The following LRRC27 variants were observed in gnomAD, a reference collection of about 807,000 sequenced individuals.
LRRC27 encodes leucine rich repeat containing 27.
LRRC27 carries 57 observed loss-of-function variants against 55.0 expected under a neutral mutation model. The ratio of observed to expected loss-of-function variants is 1.04; its 90% CI spans 0.84 to 1.29. The LOEUF is 1.29. Among genes scored for constraint, LRRC27 ranks in the 50% most tolerant of loss-of-function variants. The probability of loss-of-function intolerance (pLI) is 0.00; values close to 1 mark genes in which losing one functional copy is unlikely to be tolerated. For synonymous variants in LRRC27, 278 were observed against 251.9 expected (o/e 1.10, Z -0.98); for missense variants, 721 against 651.5 (o/e 1.11, Z -1.16).
intron 5 of LRRC27, among the ~76,000 whole-genome samples, chr10:132,346,002 G>A (rs750462216): frequency 1.8e-4 from 28 of 152,244 alleles, no homozygotes; most frequent in Non-Finnish European, 3.7e-4. Flanking sequence ...AGAAGTCAGC[G>A]ATGGGACGCT....
chr10:132,347,967 G>A lies in LRRC27; in HGVS notation c.554-17G>A. 2 of 1,575,880 alleles carry A rather than the reference G, an allele frequency of 1.3e-6. No homozygotes were observed. The highest frequency in any genetic ancestry group is 1.7e-6 in the Non-Finnish European group (2 of 1,163,862). On this transcript the variant is annotated splice_polypyrimidine_tract_variant and intron_variant, in intron 5 of 10. Transcript: ENST00000368614. ...GGCGTTGATGGTAGCTACTAAAGCG[G>A]TTTCTTACTCTCCCAGAGGCTCCAC...
rs988530432 is a variant in LRRC27 at position 132,337,212 on chromosome 10, C to T, written c.211-353C>T. 6.8e-6 allele frequency: 8 copies of T among 1,170,502 alleles called. No homozygotes were observed. In the African/African-American group the frequency reaches 8.1e-5, roughly 12 times the overall value. 72.5% of individuals were successfully genotyped at this position (1,170,502 alleles called of 1,614,324 possible). Reference sequence around the variant, plus strand: ...GGGGGCTGCCGAGGGCCAGGTGCTGCGGCAGGCACTGGAGAAACGGCCGAG... The same window carrying T: ...GGGGGCTGCCGAGGGCCAGGTGCTGTGGCAGGCACTGGAGAAACGGCCGAG... On this transcript the variant is annotated intron_variant, in intron 2 of 10. Transcript: ENST00000368614.
chr10:132,370,922 GA>G (rs553332467), intron 10 of LRRC27, among the ~76,000 whole-genome samples: 1 of 152,262 alleles, frequency 6.6e-6, no homozygotes, highest in Non-Finnish European at 1.5e-5. Context: ...GGCTTTGCCA[GA>G]AGAGTGTGTC....
chr10:132,363,297 C>G (rs949467266), intron 9 of LRRC27, among the ~76,000 whole-genome samples: 1 of 152,168 alleles, frequency 6.6e-6, no homozygotes, highest in Admixed American at 6.5e-5. Flanking sequence ...GTTCACCCCT[C>G]TCACCTCGCA....
chr10:132,348,171 G>C lies in LRRC27; in HGVS notation c.741G>C (p.Ala247=), dbSNP rs779231343. The change falls in exon 6 of 11, where the codon GCG becomes GCC. Residue 247 remains alanine (A), a synonymous_variant. Coordinates refer to ENST00000368614, the MANE Select transcript of LRRC27 (RefSeq NM_030626.3). The surrounding 1 kb of genome is among the most constrained non-coding windows in gnomAD (Gnocchi z 4.2). Reference sequence around the variant, plus strand: ...ACCTGAGTGAACTCAGGAAGTCTGCGGACTCCTCAGAGAACTGGCCCAGCG... The same window carrying C: ...ACCTGAGTGAACTCAGGAAGTCTGCCGACTCCTCAGAGAACTGGCCCAGCG... The part of the protein sequence containing the change: ...KPDLSELRKS[A]DSSENWPSEE... 6.2e-7 allele frequency: 1 copy of C among 1,614,070 alleles called. No individual in the cohort carries two copies. Among genetic ancestry groups the C allele is most frequent in the Non-Finnish European group, 8.5e-7 (1 of 1,180,032 alleles).
upstream of LRRC27, chr10:132,331,685 G>A (rs750239393): frequency 2.5e-6 from 4 of 1,612,740 alleles, no homozygotes; most frequent in South Asian, 1.1e-5. Context: ...GGCTGTCCTC[G>A]AGCAGCCCCG....
At position 132,337,416 on chromosome 10, in the gene LRRC27, T is replaced by G. The variant is rs2295273; in HGVS notation, c.211-149T>G. 0.12 allele frequency: 163,638 copies of G among 1,422,126 alleles called. 11,287 individuals are homozygous for G. Among genetic ancestry groups the G allele is most frequent in the East Asian group, 0.38 (15,041 of 39,714 alleles). 88.1% of individuals were successfully genotyped at this position (1,422,126 alleles called of 1,614,324 possible). On this transcript the variant is annotated intron_variant, in intron 2 of 10. Transcript: ENST00000368614. ...TTCTTTTGTCTACTGTTTACATCTTTTAAGGGTAAGAGATTGGGTTTTTGT... is the reference window on the plus strand; with the variant it reads ...TTCTTTTGTCTACTGTTTACATCTTGTAAGGGTAAGAGATTGGGTTTTTGT...
chr10:132,369,638 A>G (rs532410097), intron 10 of LRRC27, among the ~76,000 whole-genome samples: 3 of 152,162 alleles, frequency 2.0e-5, no homozygotes, highest in South Asian at 2.1e-4. Context: ...CCATGTGATG[A>G]TGCGTTTGTC....
At chr10:132,331,312 T>G (rs935624813), upstream of LRRC27, 1 of 954,568 alleles carries the variant, frequency 1.0e-6, no homozygotes. Flanking sequence ...CATTATCAGT[T>G]GGATCCTGGA....
chr10:132,366,740 A>G, intron 10 of LRRC27: 1 of 848,686 alleles, frequency 1.2e-6, no homozygotes, highest in South Asian at 2.0e-5. Context: ...CTGCCCCCAG[A>G]GCACGCAGCA....
In LRRC27 at chr10:132,375,331, G is replaced by A; in HGVS notation, c.*89G>A. ...CGTCGCCTCCTGTGTGGTGCCGGAAGAGCGCCAGGTTCAGTGTTACCCTGA... is the reference window on the plus strand; with the variant it reads ...CGTCGCCTCCTGTGTGGTGCCGGAAAAGCGCCAGGTTCAGTGTTACCCTGA... On this transcript the variant is annotated 3_prime_UTR_variant, in exon 11 of 11. Coordinates refer to ENST00000368614, the MANE Select transcript of LRRC27 (RefSeq NM_030626.3). The A allele has an allele frequency of 7.8e-7, 1 of 1,277,642 alleles. No individual in the cohort carries two copies. Among genetic ancestry groups the A allele is most frequent in the East Asian group, 2.4e-5 (1 of 42,180 alleles). The allele number at this position is 1,277,642 out of a possible 1,614,324, so 79.1% of individuals were successfully genotyped here.
At chr10:132,360,258 G>T (rs1435233753) in intron 8 of LRRC27, among the ~76,000 whole-genome samples, 1 of 152,156 alleles carries the variant, frequency 6.6e-6, no homozygotes, top group East Asian at 1.9e-4. Flanking sequence ...ACCACACCTG[G>T]CTAATTTTTT....
At chr10:132,336,954 A>G in intron 2 of LRRC27, 1 of 625,730 alleles carries the variant, frequency 1.6e-6, no homozygotes, top group Non-Finnish European at 2.6e-6. Context: ...CAGCGTGTAT[A>G]CGTTCATCTT....
chr10:132,357,046 C>T (rs1302133437), intron 8 of LRRC27, among the ~76,000 whole-genome samples: 1 of 152,238 alleles, frequency 6.6e-6, no homozygotes, highest in Non-Finnish European at 1.5e-5. Context: ...AGGAGTGTTT[C>T]CTTTGTCTAA....
chr10:132,331,378 C>G (rs910678048), upstream of LRRC27: 13 of 1,532,304 alleles, frequency 8.5e-6, no homozygotes, highest in African/African-American at 2.7e-5. Context: ...CCTCCCCTCC[C>G]GCCCGGTGTC....
chr10:132,381,347 GACTGAAGGCTGC>G lies in LRRC27; in HGVS notation c.*6110_*6121del, dbSNP rs1176379593. Among the ~76,000 whole-genome samples, 5 of 152,268 alleles carry G rather than the reference GACTGAAGGCTGC, an allele frequency of 3.3e-5. No individual in the cohort carries two copies. Among genetic ancestry groups the G allele is most frequent in the Non-Finnish European group, 5.9e-5 (4 of 68,050 alleles). ...AGGGGCTCTCGGGCCTTCGGCCACA[GACTGAAGGCTGC>G]ACTGTCGGCTTCCCTCCTTTAGAGG... On this transcript the variant is annotated 3_prime_UTR_variant, in exon 11 of 11. Coordinates refer to ENST00000368614, the MANE Select transcript of LRRC27 (RefSeq NM_030626.3).
rs2069356472 is a variant in LRRC27 at position 132,377,752 on chromosome 10, C to T, written c.*2510C>T. 1 of 152,154 alleles carries T rather than the reference C, an allele frequency of 6.6e-6. No individual in the cohort carries two copies. The highest frequency in any genetic ancestry group is 6.5e-5 in the Admixed American group (1 of 15,278). 9.4% of individuals were successfully genotyped at this position (152,154 alleles called of 1,614,324 possible). ...TTTGACTGGCCGTAAGTTCTCTCAGCTTTTGTTTGTCTGAAAATAAATTTA... is the reference window on the plus strand; with the variant it reads ...TTTGACTGGCCGTAAGTTCTCTCAGTTTTTGTTTGTCTGAAAATAAATTTA... On this transcript the variant is annotated 3_prime_UTR_variant, in exon 11 of 11. Coordinates refer to ENST00000368614, the MANE Select transcript of LRRC27 (RefSeq NM_030626.3).
intron 7 of LRRC27, chr10:132,352,926 G>T (rs568155456): frequency 6.2e-7 from 1 of 1,613,872 alleles, no homozygotes; most frequent in Non-Finnish European, 8.5e-7. Context: ...GCCCTGACAC[G>T]GTCATCAGGG....
chr10:132,331,980 G>A (rs1288947147), upstream of LRRC27: 29 of 433,478 alleles, frequency 6.7e-5, no homozygotes, highest in East Asian at 1.2e-3. Flanking sequence ...CCCCCTCCCG[G>A]GCAGGCGCAC....
Sources: gnomAD v4.1 joint callset for allele counts (sites outside exome capture counted in the v4.1 genomes callset) on GRCh38, gnomAD v4.1.1 for gene constraint, Gnocchi (gnomAD v3.1) non-coding constraint, MANE v1.5 for transcripts, NCBI Gene and HGNC (gene_info 2026-07-23, HGNC 2026-07-21) for gene names.